Variants in CTDNEP1 observed in about 807,000 individuals in gnomAD.
CTDNEP1 encodes the protein C-terminal domain nuclear envelope phosphatase 1.
CTDNEP1 carries 3 observed loss-of-function variants against 30.1 expected under a neutral mutation model. The ratio of observed to expected loss-of-function variants is 0.10; its 90% CI spans 0.05 to 0.26. The LOEUF is 0.26. CTDNEP1 is among the 10% of genes least tolerant of loss of function. The pLI is 1.00. For synonymous variants in CTDNEP1, 123 were observed against 118.8 expected, an observed-to-expected ratio of 1.04 and a Z score of -0.23; for missense variants, 158 against 310.4, an observed-to-expected ratio of 0.51 and a Z score of 3.69.
rs112290822 is a variant in CTDNEP1 at position 7,246,821 on chromosome 17, C to T, written c.330G>A (p.Lys110=). The change falls in exon 4 of 8, where the codon AAG becomes AAA. Residue 110 remains lysine (K), a synonymous_variant. Coordinates refer to ENST00000574322, the MANE Select transcript of CTDNEP1 (RefSeq NM_001143775.2). The surrounding 1 kb of genome is among the most constrained non-coding windows in gnomAD (Gnocchi z 4.9). ...CCAGGAAGAAATCCACATGGGGCCT[C>T]TTATGTACAAAAAACCGGACAGGAT... ...DKHPVRFFVH[K]RPHVDFFLEV... The T allele has an allele frequency of 1.2e-6, 2 of 1,614,102 alleles. No homozygotes were observed. Among genetic ancestry groups the T allele is most frequent in the Non-Finnish European group, 1.7e-6 (2 of 1,179,978 alleles).
rs1313111356 is a variant in CTDNEP1, at chr17:7,247,085, C to G, written c.267G>C (p.Thr89=). 1 of 1,612,068 alleles carries G rather than the reference C, an allele frequency of 6.2e-7. No homozygotes were observed. Among genetic ancestry groups the G allele is most frequent in the Non-Finnish European group, 8.5e-7 (1 of 1,179,342 alleles). Residue 89 remains threonine (T), a synonymous_variant, in exon 3 of 8, where the codon ACG becomes ACC. Coordinates refer to ENST00000574322, the MANE Select transcript of CTDNEP1 (RefSeq NM_001143775.2). ...GVLRPTVRPG[T]PPDFILKVVI... ...ACACCTTGAGGATGAAGTCAGGAGG[C>G]GTACCAGGCCGGACTGTGGGCCTCA...
At position 7,250,397 on chromosome 17, in the gene CTDNEP1, C is replaced by A. The variant is rs1166265976; in HGVS notation, c.102+798G>T. Among the ~76,000 whole-genome samples the A allele has an allele frequency of 2.0e-5, 3 of 152,270 alleles. No homozygotes were observed. The East Asian group carries it at 5.8e-4, about 29-fold the overall frequency. ...TGGAGAAAAGCTAAGGGAGAGGGGACCCAGAGATGCTTGGGTCCATCCGGA... is the reference window on the plus strand; with the variant it reads ...TGGAGAAAAGCTAAGGGAGAGGGGAACCAGAGATGCTTGGGTCCATCCGGA... On this transcript the variant is annotated intron_variant, in intron 1 of 7. Coordinates refer to ENST00000574322, the MANE Select transcript of CTDNEP1 (RefSeq NM_001143775.2).
intron 1 of CTDNEP1, among the ~76,000 whole-genome samples, chr17:7,250,926 C>A (rs1052428398): frequency 2.0e-5 from 3 of 152,136 alleles, no homozygotes; most frequent in Non-Finnish European, 4.4e-5. Flanking sequence ...TCTTAAAGAG[C>A]GCCCCACCCA....
Position 7,251,311 on chromosome 17 carries a change from C to T in CTDNEP1, c.-15G>A. 1 of 1,512,144 alleles carries T rather than the reference C, an allele frequency of 6.6e-7. No homozygotes were observed. The highest frequency in any genetic ancestry group is 8.8e-7 in the Non-Finnish European group (1 of 1,130,000). The allele number at this position is 1,512,144 out of a possible 1,614,324, so 93.7% of individuals were successfully genotyped here. A position where few individuals can be genotyped will look rare whatever the true frequency, so the allele number is the denominator to read the frequency against. On this transcript the variant is annotated 5_prime_UTR_variant, in exon 1 of 8. Coordinates refer to ENST00000574322, the MANE Select transcript of CTDNEP1 (RefSeq NM_001143775.2). ...GTCCGCATCATCCCGATGACCCCGG[C>T]ACCGCCGGCCCCGGGGCCCCCGCGG...
chr17:7,250,916 T>C (rs1364739071), intron 1 of CTDNEP1, among the ~76,000 whole-genome samples: 1 of 152,116 alleles, frequency 6.6e-6, no homozygotes, highest in Non-Finnish European at 1.5e-5. Context: ...ACTCCAGCTT[T>C]CTTAAAGAGC....
At chr17:7,247,531 T>C (rs1420988299) in intron 1 of CTDNEP1, among the ~76,000 whole-genome samples, 188 bp from the exon 2 acceptor site, 2 of 150,984 alleles carry the variant, frequency 1.3e-5, no homozygotes, top group African/African-American at 2.4e-5. Flanking sequence ...TGCAGCGGCA[T>C]GATCTCGGCT....
At chr17:7,247,554 C>G (rs370518870) in intron 1 of CTDNEP1, among the ~76,000 whole-genome samples, 1 of 151,524 alleles carries the variant, frequency 6.6e-6, no homozygotes, top group South Asian at 2.1e-4. Context: ...CTGCAACCTC[C>G]GCCTCCCAGG....
chr17:7,247,354 C>T lies in CTDNEP1; in HGVS notation c.103-11G>A, dbSNP rs1331642069. 1.9e-6 allele frequency: 3 copies of T among 1,611,432 alleles called. No homozygotes were observed. Among genetic ancestry groups the T allele is most frequent in the Admixed American group, 1.7e-5 (1 of 59,966 alleles). ...TTGGTACTGAATTACCTACAAATAG[C>T]ACAAAAGAGGATTGAAACCCTTGAT... On this transcript the variant is annotated splice_polypyrimidine_tract_variant and intron_variant, in intron 1 of 7. Transcript: ENST00000574322.
At position 7,251,506 on chromosome 17, in the gene CTDNEP1, A is replaced by G; in HGVS notation, c.-210T>C. The stretch of plus-strand genomic sequence containing the variant: ...GGGGAGCTGGGGGACAGGCGTGGGC[A>G]GCCCGCGGGGGCCCACATGGGCTGG... On this transcript the variant is annotated 5_prime_UTR_variant, in exon 1 of 8. Coordinates refer to ENST00000574322, the MANE Select transcript of CTDNEP1 (RefSeq NM_001143775.2). 1 of 385,702 alleles carries G rather than the reference A, an allele frequency of 2.6e-6. No homozygotes were observed. The highest frequency in any genetic ancestry group is 7.5e-5 in the South Asian group (1 of 13,280). The allele number at this position is 385,702 out of a possible 1,614,324, so 23.9% of individuals were successfully genotyped here. A position where few individuals can be genotyped will look rare whatever the true frequency, so the allele number is the denominator to read the frequency against.
chr17:7,247,664 T>A (rs2071860922), intron 1 of CTDNEP1, among the ~76,000 whole-genome samples: 1 of 151,834 alleles, frequency 6.6e-6, no homozygotes, highest in Admixed American at 6.6e-5. Context: ...AGGCGGGGTT[T>A]AACTATATTG....
At chr17:7,244,948 A>C (rs1404731495) in intron 6 of CTDNEP1, 1 of 264,052 alleles carries the variant, frequency 3.8e-6, no homozygotes, top group Admixed American at 5.0e-5. Context: ...ACTTGAGCTC[A>C]GGAGTTTGAG....
At position 7,246,908 on chromosome 17, in the gene CTDNEP1, C is replaced by G. The variant is rs1241411274; in HGVS notation, c.289-46G>C. Reference sequence around the variant, plus strand: ...CTGGGGGATGTCATGACCACCACAACCCAGGCCTAGAAAACGCCCCACCCA... The same window carrying G: ...CTGGGGGATGTCATGACCACCACAAGCCAGGCCTAGAAAACGCCCCACCCA... On this transcript the variant is annotated intron_variant, in intron 3 of 7. Transcript: ENST00000574322. This position sits in a 1 kb window ranked among gnomAD's most constrained non-coding sequence, Gnocchi z 4.9. The G allele has an allele frequency of 1.3e-6, 2 of 1,572,772 alleles. No individual in the cohort carries two copies. Among genetic ancestry groups the G allele is most frequent in the Non-Finnish European group, 8.7e-7 (1 of 1,143,188 alleles).
rs980181263 is a variant in CTDNEP1, at chr17:7,246,658, C to T, written c.360+133G>A. Reference sequence around the variant, plus strand: ...CAAGTACTGAAAGCCACTCCCCTACCATTACACAGCCTCCCCTCTAGAAAA... The same window carrying T: ...CAAGTACTGAAAGCCACTCCCCTACTATTACACAGCCTCCCCTCTAGAAAA... On this transcript the variant is annotated intron_variant, in intron 4 of 7. Coordinates refer to ENST00000574322, the MANE Select transcript of CTDNEP1 (RefSeq NM_001143775.2). This position sits in a 1 kb window ranked among gnomAD's most constrained non-coding sequence, Gnocchi z 4.9. The T allele has an allele frequency of 1.3e-6, 1 of 742,392 alleles. No homozygotes were observed. Among genetic ancestry groups the T allele is most frequent in the African/African-American group, 1.8e-5 (1 of 57,086 alleles). 46.0% of individuals were successfully genotyped at this position (742,392 alleles called of 1,614,324 possible).
Position 7,244,016 on chromosome 17 carries a change from T to G in CTDNEP1, c.*169A>C. 7.1e-7 allele frequency: 1 copy of G among 1,411,770 alleles called. No homozygotes were observed. Among genetic ancestry groups the G allele is most frequent in the South Asian group, 1.5e-5 (1 of 67,930 alleles). The allele number at this position is 1,411,770 out of a possible 1,614,324, so 87.5% of individuals were successfully genotyped here. The stretch of plus-strand genomic sequence containing the variant: ...AGGCTGCTTCAGAGCCCCTGGCCCA[T>G]GTGTCCATCCAGACTCCAAGTGGAG... On this transcript the variant is annotated 3_prime_UTR_variant, in exon 8 of 8. Coordinates refer to ENST00000574322, the MANE Select transcript of CTDNEP1 (RefSeq NM_001143775.2).
rs557175874 is a variant in CTDNEP1, at chr17:7,246,317, G to A, written c.414C>T (p.Gly138=). 6 of 1,614,054 alleles carry A rather than the reference G, an allele frequency of 3.7e-6. No homozygotes were observed. The South Asian group carries it at 4.4e-5, about 12-fold the overall frequency. ...VVFTASMEIY[G]SAVADKLDNS... ...TGTCCAGTTTATCTGCCACAGCAGA[G>A]CCATAGATCTCCATGCTTGCTGTAA... Residue 138 remains glycine, a synonymous_variant, in exon 5 of 8, where the codon GGC becomes GGT. Transcript: ENST00000574322. This position sits in a 1 kb window ranked among gnomAD's most constrained non-coding sequence, Gnocchi z 4.9.
At chr17:7,244,879 C>T in intron 6 of CTDNEP1, 2 of 431,236 alleles carry the variant, frequency 4.6e-6, no homozygotes, top group Non-Finnish European at 8.3e-6. Context: ...CACACTTGGC[C>T]AGGCGCAGTG....
chr17:7,245,982 G>T, intron 6 of CTDNEP1, 44 bp downstream of exon 6: 1 of 1,365,856 alleles, frequency 7.3e-7, no homozygotes, highest in South Asian at 1.2e-5. Context: ...TACCTTCTCA[G>T]AACCATGTTC....
chr17:7,251,552 G>C lies in CTDNEP1; in HGVS notation c.-256C>G, dbSNP rs895603855. ...GCTGGGAGTGGCACCGACGGCTTCG[G>C]GGAGGTTGCGGGCCGAGACAGGTAG... is the stretch of plus-strand genomic sequence containing the variant. On this transcript the variant is annotated 5_prime_UTR_variant, in exon 1 of 8. Transcript: ENST00000574322. 16 of 321,640 alleles carry C rather than the reference G, an allele frequency of 5.0e-5. No individual in the cohort carries two copies. The highest frequency in any genetic ancestry group is 1.1e-4 in the South Asian group (1 of 8,740). The allele number at this position is 321,640 out of a possible 1,614,324, so 19.9% of individuals were successfully genotyped here. A position where few individuals can be genotyped will look rare whatever the true frequency, so the allele number is the denominator to read the frequency against.
chr17:7,248,362 CT>C (rs796375773), intron 1 of CTDNEP1, among the ~76,000 whole-genome samples: 87 of 94,372 alleles, frequency 9.2e-4, no homozygotes, highest in African/African-American at 1.2e-3. Context: ...CTTTTTTTTT[CT>C]TTTTTTTTTT....
Sources: gnomAD v4.1 joint callset for allele counts (sites outside exome capture counted in the v4.1 genomes callset) on GRCh38, gnomAD v4.1.1 for gene constraint, Gnocchi (gnomAD v3.1) non-coding constraint, MANE v1.5 for transcripts, NCBI Gene and HGNC (gene_info 2026-07-23, HGNC 2026-07-21) for gene names.